Variants in MARCHF1 observed in about 807,000 individuals in gnomAD.
MARCHF1 encodes the protein E3 ubiquitin-protein ligase MARCHF1.
Under a neutral mutation model 54.2 loss-of-function variants are expected in MARCHF1, and 40 were observed. That is an observed-to-expected ratio of 0.74 (90% CI 0.57 to 0.96). MARCHF1 has a LOEUF of 0.96. Among genes scored for constraint, MARCHF1 ranks in the 40% least tolerant of loss-of-function variants. MARCHF1 has a pLI of 0.00. For synonymous variants in MARCHF1, 236 were observed against 236.3 expected (o/e 1.00, Z 0.01); for missense variants, 586 against 656.5 (o/e 0.89, Z 1.17).
chr4:164,295,018 A>AAC lies in MARCHF1; in HGVS notation c.-323+88850_-323+88851dup, dbSNP rs750463283. Among the ~76,000 whole-genome samples the AAC allele has an allele frequency of 2.5e-4, 38 of 151,836 alleles. 1 individual carries two copies. The highest frequency in any genetic ancestry group is 3.4e-3 in the Middle Eastern group (1 of 292). ...TTGGCATAGGTAGATTAACAGGAGA[A>AAC]ACACACACACACACATTTACGTAAG... On this transcript the variant is annotated intron_variant, in intron 1 of 9. Coordinates refer to ENST00000514618, the MANE Select transcript of MARCHF1 (RefSeq NM_001394959.1).
chr4:163,955,776 G>A (rs1752221074), intron 3 of MARCHF1, among the ~76,000 whole-genome samples: 1 of 152,054 alleles, frequency 6.6e-6, no homozygotes, highest in Non-Finnish European at 1.5e-5. Flanking sequence ...TCCATATTCC[G>A]GTGCCAAGTG....
chr4:163,754,852 T>C (rs970728659), intron 4 of MARCHF1, among the ~76,000 whole-genome samples: 6 of 151,996 alleles, frequency 3.9e-5, no homozygotes, highest in African/African-American at 1.2e-4. Flanking sequence ...CACGGGACCC[T>C]GAAGGCAAAT....
intron 1 of MARCHF1, among the ~76,000 whole-genome samples, chr4:164,327,227 C>T (rs1561003774): frequency 6.6e-6 from 1 of 152,098 alleles, no homozygotes; most frequent in Non-Finnish European, 1.5e-5. Context: ...TAAAACAGCT[C>T]CTATTAGATA....
chr4:164,146,360 G>A (rs546405121), intron 1 of MARCHF1, among the ~76,000 whole-genome samples: 27,828 of 149,832 alleles, frequency 0.19, 4,180 homozygotes, highest in African/African-American at 0.4. Flanking sequence ...AGCCTGCATC[G>A]CCAAGTCAAT....
At chr4:163,739,345 T>C (rs1319840850) in intron 4 of MARCHF1, among the ~76,000 whole-genome samples, 1 of 152,154 alleles carries the variant, frequency 6.6e-6, no homozygotes, top group Non-Finnish European at 1.5e-5. Context: ...ACAAACTAGT[T>C]CAATGTCATT....
intron 1 of MARCHF1, among the ~76,000 whole-genome samples, chr4:164,129,255 C>T (rs185550266): frequency 1.1e-4 from 16 of 152,112 alleles, no homozygotes; most frequent in African/African-American, 2.9e-4. Flanking sequence ...ACCTCAAATG[C>T]GATTTGTCGT....
chr4:164,036,672 T>C lies in MARCHF1; in HGVS notation c.-247-47963A>G, dbSNP rs1450381065. ...AATTACAGACAATTCATGAAAAAGCTAGACTAATGGTAAGGAGATAAAAAA... is the reference window on the plus strand; with the variant it reads ...AATTACAGACAATTCATGAAAAAGCCAGACTAATGGTAAGGAGATAAAAAA... On this transcript the variant is annotated intron_variant, in intron 2 of 9. Coordinates refer to ENST00000514618, the MANE Select transcript of MARCHF1 (RefSeq NM_001394959.1). Among the ~76,000 whole-genome samples the C allele has an allele frequency of 6.6e-5, 10 of 152,172 alleles. No homozygotes were observed. The East Asian group carries it at 1.2e-3, about 18-fold the overall frequency.
Position 164,126,311 on chromosome 4 carries a change from G to A in MARCHF1, c.-322-14649C>T, listed in dbSNP as rs373017110. ...TTCCCTTCCACCATGTCAGGACACC[G>A]TGAGAGAGAGACATTTATGAACCAG... On this transcript the variant is annotated intron_variant, in intron 1 of 9. Coordinates refer to ENST00000514618, the MANE Select transcript of MARCHF1 (RefSeq NM_001394959.1). Among the ~76,000 whole-genome samples, 49 of 152,268 alleles carry A rather than the reference G, an allele frequency of 3.2e-4. 1 individual carries two copies. The South Asian group carries it at 9.7e-3, about 30-fold the overall frequency.
chr4:164,327,740 A>T (rs1735320404), intron 1 of MARCHF1, among the ~76,000 whole-genome samples: 1 of 152,222 alleles, frequency 6.6e-6, no homozygotes, highest in Non-Finnish European at 1.5e-5. Flanking sequence ...AAGGAAATTG[A>T]TCTTTAATAC....
chr4:164,255,390 T>TAAAAAAAAAAAAAAAAAAAAGAA (rs3060483), intron 1 of MARCHF1, among the ~76,000 whole-genome samples: 1 of 132,166 alleles, frequency 7.6e-6, no homozygotes, highest in Non-Finnish European at 1.6e-5. Context: ...GCAAGAAAGA[T>TAAAAAAAAAAAAAAAAAAAAGAA]AAAAAAAAAA....
At chr4:163,551,415 T>C (rs1366274441) in intron 8 of MARCHF1, among the ~76,000 whole-genome samples, 3 of 152,180 alleles carry the variant, frequency 2.0e-5, no homozygotes, top group Non-Finnish European at 4.4e-5. Context: ...GTAAATAATT[T>C]CCCTCTTAAA....
chr4:164,325,794 T>C (rs1010942463), intron 1 of MARCHF1, among the ~76,000 whole-genome samples: 2 of 151,950 alleles, frequency 1.3e-5, no homozygotes, highest in Admixed American at 6.6e-5. Flanking sequence ...AGAAATATGA[T>C]AGAAACATTT....
intron 3 of MARCHF1, among the ~76,000 whole-genome samples, chr4:163,863,314 T>G (rs1421752580): frequency 1.3e-5 from 2 of 152,086 alleles, no homozygotes; most frequent in African/African-American, 2.4e-5. Flanking sequence ...GAGTGCAGTC[T>G]GAAAGGTTAA....
In MARCHF1 at chr4:163,612,485, C is replaced by G. The variant is rs1368636611; in HGVS notation, c.796G>C (p.Gly266Arg). 1 of 1,535,096 alleles carries G rather than the reference C, an allele frequency of 6.5e-7. No individual in the cohort carries two copies. Among genetic ancestry groups the G allele is most frequent in the Admixed American group, 2.0e-5 (1 of 50,900 alleles). Reference protein sequence around the residue: ...RSSRNHEKSKGRYHHRDPQLL... With the variant: ...RSSRNHEKSKRRYHHRDPQLL... ...TGAGGATCTCTGTGGTGATATCTGC[C>G]TTTGCTCTTCTCATGATTCCTTGAG... is the stretch of plus-strand genomic sequence containing the variant. Residue 266 changes from glycine (G) to arginine (R), a missense_variant, in exon 7 of 10, where the codon GGC becomes CGC. Coordinates refer to ENST00000514618, the MANE Select transcript of MARCHF1 (RefSeq NM_001394959.1).
At chr4:164,129,051 T>G (rs1756246271) in intron 1 of MARCHF1, among the ~76,000 whole-genome samples, 1 of 152,170 alleles carries the variant, frequency 6.6e-6, no homozygotes, top group Non-Finnish European at 1.5e-5. Flanking sequence ...TCAGATTGCT[T>G]ATGAAAGTGA....
chr4:164,009,282 A>C (rs1753365583), intron 2 of MARCHF1, among the ~76,000 whole-genome samples: 1 of 152,140 alleles, frequency 6.6e-6, no homozygotes, highest in Non-Finnish European at 1.5e-5. Context: ...TCAATTAAGA[A>C]ATAATCAAAT....
rs184843590 is a variant in MARCHF1, at chr4:163,729,064, A to G, written c.112-28201T>C. ...TTATATTTTTAATCTGTTGTTGTGG[A>G]TTAAATAAATTAATTTTTTGAATGT... On this transcript the variant is annotated intron_variant, in intron 4 of 9. Transcript: ENST00000514618. Among the ~76,000 whole-genome samples the G allele has an allele frequency of 2.0e-3, 299 of 152,146 alleles. 1 individual carries two copies. Among genetic ancestry groups the G allele is most frequent in the Non-Finnish European group, 3.5e-3 (239 of 67,976 alleles).
intron 1 of MARCHF1, among the ~76,000 whole-genome samples, chr4:164,366,662 G>A (rs906612449): frequency 1.2e-4 from 18 of 151,630 alleles, no homozygotes; most frequent in African/African-American, 3.9e-4. Context: ...CAAAACTGTT[G>A]CATTTTTGCC....
chr4:163,805,873 ATACTC>A, intron 4 of MARCHF1, among the ~76,000 whole-genome samples: 1 of 152,290 alleles, frequency 6.6e-6, no homozygotes, highest in African/African-American at 2.4e-5. Context: ...CTTTGCCAAA[ATACTC>A]TACCCCAATT....
Sources: gnomAD v4.1 joint callset for allele counts (sites outside exome capture counted in the v4.1 genomes callset) on GRCh38, gnomAD v4.1.1 for gene constraint, MANE v1.5 for transcripts, NCBI Gene and HGNC (gene_info 2026-07-23, HGNC 2026-07-21) for gene names.